The following KHDRBS2 variants were observed in gnomAD, a reference collection of about 807,000 sequenced individuals.
KHDRBS2 encodes the protein KH domain-containing, RNA-binding, signal transduction-associated protein 2.
In KHDRBS2, 26 loss-of-function variants were observed where a neutral mutation model predicts 44.3. That is an observed-to-expected ratio of 0.59 (90% CI 0.43 to 0.81). The LOEUF (loss-of-function observed/expected upper bound fraction) is 0.81. Among genes scored for constraint, KHDRBS2 ranks in the 40% least tolerant of loss-of-function variants. KHDRBS2 has a pLI of 0.00. For missense variants in KHDRBS2, 476 were observed against 433.1 expected (o/e 1.10, Z -0.88); for synonymous variants, 194 against 151.1 (o/e 1.28, Z -2.08).
At chr6:62,238,742 TCAAA>T (rs1488410385) in intron 1 of KHDRBS2, among the ~76,000 whole-genome samples, 10 of 148,946 alleles carry the variant, frequency 6.7e-5, no homozygotes, top group East Asian at 2.0e-4. Flanking sequence ...GAGTACAGAC[TCAAA>T]CTAACAGTCC....
the KHDRBS2 span, among the ~76,000 whole-genome samples, chr6:61,650,393 C>A: frequency 0.22 from 29,048 of 134,086 alleles, 3,287 homozygotes; most frequent in South Asian, 0.36. Flanking sequence ...TTGTTCACTG[C>A]TTTTTTTAAA....
chr6:61,730,157 T>G (rs1000857187), intron 7 of KHDRBS2, among the ~76,000 whole-genome samples: 12 of 152,162 alleles, frequency 7.9e-5, no homozygotes, highest in Non-Finnish European at 1.6e-4. Context: ...GAACCTCTAG[T>G]GTTTCAGAAA....
chr6:62,066,825 T>C (rs1793842114), intron 2 of KHDRBS2, among the ~76,000 whole-genome samples: 1 of 151,610 alleles, frequency 6.6e-6, no homozygotes, highest in Non-Finnish European at 1.5e-5. Context: ...AATAAGTAAC[T>C]GCTTTTTTGT....
the KHDRBS2 span, among the ~76,000 whole-genome samples, chr6:61,607,763 C>T: frequency 6.6e-6 from 1 of 152,144 alleles, no homozygotes; most frequent in African/African-American, 2.4e-5. Context: ...TCTTGGCTCA[C>T]TGCAACCTCC....
At chr6:61,887,840 T>C (rs1031342636) in intron 6 of KHDRBS2, among the ~76,000 whole-genome samples, 6 of 152,164 alleles carry the variant, frequency 3.9e-5, no homozygotes, top group Admixed American at 1.3e-4. Flanking sequence ...GAGGAATCAA[T>C]AGTCTAAAAT....
intron 7 of KHDRBS2, among the ~76,000 whole-genome samples, chr6:61,731,450 A>G (rs1338613982): frequency 6.6e-6 from 1 of 152,116 alleles, no homozygotes; most frequent in Non-Finnish European, 1.5e-5. Flanking sequence ...GTTCACACTC[A>G]TCTTATTTCT....
chr6:62,077,974 A>G (rs1001019778), intron 2 of KHDRBS2, among the ~76,000 whole-genome samples: 2 of 152,084 alleles, frequency 1.3e-5, no homozygotes, highest in Non-Finnish European at 2.9e-5. Flanking sequence ...CGTTTACAAC[A>G]TAAGGGAAAA....
chr6:61,914,417 C>G (rs1206397747), intron 4 of KHDRBS2, among the ~76,000 whole-genome samples: 1 of 151,238 alleles, frequency 6.6e-6, no homozygotes, highest in East Asian at 2.0e-4. Context: ...GGACAAAAAA[C>G]CAAACACTGC....
At chr6:62,100,626 A>C (rs1202093609) in intron 2 of KHDRBS2, among the ~76,000 whole-genome samples, 1 of 152,158 alleles carries the variant, frequency 6.6e-6, no homozygotes, top group Non-Finnish European at 1.5e-5. Context: ...TCAAGTCAAG[A>C]CCCTAACCAG....
chr6:62,133,445 G>A (rs759609204), intron 2 of KHDRBS2, among the ~76,000 whole-genome samples: 44 of 152,166 alleles, frequency 2.9e-4, no homozygotes, highest in Non-Finnish European at 7.4e-5. Context: ...GGCCTCTCCA[G>A]TAAGTGGAAC....
At chr6:62,240,927 A>G (rs1213358376) in intron 1 of KHDRBS2, among the ~76,000 whole-genome samples, 1 of 151,678 alleles carries the variant, frequency 6.6e-6, no homozygotes, top group East Asian at 1.9e-4. Flanking sequence ...ATAGAGCACA[A>G]TGTTTATGTG....
intron 4 of KHDRBS2, among the ~76,000 whole-genome samples, chr6:61,950,889 G>A (rs1764599148): frequency 6.6e-6 from 1 of 151,994 alleles, no homozygotes; most frequent in Non-Finnish European, 1.5e-5. Flanking sequence ...CTCACTACTA[G>A]TATTTTCATA....
chr6:61,954,800 A>G (rs1339882206), intron 4 of KHDRBS2, among the ~76,000 whole-genome samples: 3 of 99,010 alleles, frequency 3.0e-5, no homozygotes, highest in African/African-American at 8.3e-5. Context: ...ATGCATATGT[A>G]TGTATACATA....
At chr6:61,734,698 AC>A in intron 6 of KHDRBS2, among the ~76,000 whole-genome samples, 1 of 152,198 alleles carries the variant, frequency 6.6e-6, no homozygotes, top group Admixed American at 6.5e-5. Context: ...ATTCTCATAC[AC>A]CTTTTCCTTT....
the KHDRBS2 span, among the ~76,000 whole-genome samples, chr6:61,654,605 A>T: frequency 6.6e-6 from 1 of 151,334 alleles, no homozygotes; most frequent in Non-Finnish European, 1.5e-5. Flanking sequence ...AGTTACAGCA[A>T]GAAATGGGTA....
the KHDRBS2 span, among the ~76,000 whole-genome samples, chr6:61,644,594 C>A: frequency 3.3e-5 from 5 of 152,090 alleles, no homozygotes; most frequent in Admixed American, 6.6e-5. Flanking sequence ...TTACAAGGAA[C>A]TTTGAGCAAA....
intron 6 of KHDRBS2, among the ~76,000 whole-genome samples, chr6:61,874,831 G>A (rs1799186313): frequency 6.6e-6 from 1 of 151,956 alleles, no homozygotes; most frequent in South Asian, 2.1e-4. Flanking sequence ...AAGTCCTCCT[G>A]GTATTTCTTA....
chr6:62,227,670 T>C (rs1416665577), intron 1 of KHDRBS2, among the ~76,000 whole-genome samples: 1 of 152,184 alleles, frequency 6.6e-6, no homozygotes, highest in Admixed American at 6.5e-5. Context: ...TTGTCATAAA[T>C]AGTTGTTTTT....
chr6:61,948,626 A>G (rs1209486257), intron 4 of KHDRBS2, among the ~76,000 whole-genome samples: 7 of 149,752 alleles, frequency 4.7e-5, no homozygotes, highest in African/African-American at 1.7e-4. Context: ...AGTTAAAAAT[A>G]ATTGTGTTGA....
Sources: gnomAD v4.1 joint callset for allele counts (sites outside exome capture counted in the v4.1 genomes callset) on GRCh38, gnomAD v4.1.1 for gene constraint, MANE v1.5 for transcripts, NCBI Gene and HGNC (gene_info 2026-07-23, HGNC 2026-07-21) for gene names.